CACNA1A: variants seen among roughly 807,000 people sequenced by gnomAD.
The protein encoded by CACNA1A is voltage-dependent P/Q-type calcium channel subunit alpha-1A.
CACNA1A carries 57 observed loss-of-function variants against 262.4 expected under a neutral mutation model. The observed-to-expected ratio is 0.22, with a 90% CI of 0.18 to 0.27. The LOEUF (loss-of-function observed/expected upper bound fraction) is 0.27, where lower values mean the gene tolerates loss of function less well. Ranked by LOEUF, CACNA1A falls within the 10% of genes least tolerant of loss-of-function variation. CACNA1A has a pLI of 1.00. For synonymous variants in CACNA1A, 1,431 were observed against 1,419.3 expected (o/e 1.01, Z -0.18); for missense variants, 2,526 against 3,562.8 (o/e 0.71, Z 7.41).
chr19:13,381,312 C>T (rs2059520393), intron 3 of CACNA1A, among the ~76,000 whole-genome samples: 1 of 152,044 alleles, frequency 6.6e-6, no homozygotes, highest in Admixed American at 6.6e-5. Context: ...GGTGGGAGGA[C>T]CACTTGAGTT....
intron 3 of CACNA1A, among the ~76,000 whole-genome samples, chr19:13,386,168 AG>A (rs201041070): frequency 0.17 from 25,031 of 144,824 alleles, 2,507 homozygotes; most frequent in East Asian, 0.36. Context: ...AAAAAAAAAA[AG>A]AAGAAGAAGA....
chr19:13,349,947 C>T (rs1002135387), intron 6 of CACNA1A, among the ~76,000 whole-genome samples: 3 of 152,086 alleles, frequency 2.0e-5, no homozygotes, highest in Non-Finnish European at 2.9e-5. Flanking sequence ...GGAAGAGGCC[C>T]GTCTAGTGGG....
At chr19:13,270,885 A>G (rs1412981796) in intron 24 of CACNA1A, among the ~76,000 whole-genome samples, 2 of 152,226 alleles carry the variant, frequency 1.3e-5, no homozygotes, top group African/African-American at 4.8e-5. Flanking sequence ...GGCACTTGCC[A>G]GGATCCTACT....
rs992622377 is a variant in CACNA1A at position 13,235,382 on chromosome 19, A to G, written c.5068-108T>C. Reference sequence around the variant, plus strand: ...CCACTGGGTTGGGTGGCCATATGCCACGTGCCAGAGTCCTTCCAGGGCTGG... The same window carrying G: ...CCACTGGGTTGGGTGGCCATATGCCGCGTGCCAGAGTCCTTCCAGGGCTGG... On this transcript the variant is annotated intron_variant, in intron 32 of 46. Transcript: ENST00000360228. 3 of 1,101,168 alleles carry G rather than the reference A, an allele frequency of 2.7e-6. No individual in the cohort carries two copies. In the African/African-American group the frequency reaches 4.7e-5, roughly 17 times the overall value. 68.2% of individuals were successfully genotyped at this position (1,101,168 alleles called of 1,614,324 possible).
rs866739651 is a variant in CACNA1A, at chr19:13,490,692, G to A, written c.293+15240C>T. ...AGAAAGAGAGAGAGAGAGAAAGAAAGGAAAGAAAGAAAGAAAGAAAGAAAG... is the reference window on the plus strand; with the variant it reads ...AGAAAGAGAGAGAGAGAGAAAGAAAAGAAAGAAAGAAAGAAAGAAAGAAAG... On this transcript the variant is annotated intron_variant, in intron 1 of 46. Transcript: ENST00000360228. 6.8e-3 allele frequency among the ~76,000 whole-genome samples: 905 copies of A among 132,690 alleles called. 6 individuals are homozygous for A. The highest frequency in any genetic ancestry group is 0.025 in the African/African-American group (854 of 34,678). 87.0% of individuals were successfully genotyped at this position (132,690 alleles called of 152,430 possible).
At chr19:13,313,681 C>G (rs1025360534) in intron 11 of CACNA1A, among the ~76,000 whole-genome samples, 22 of 152,114 alleles carry the variant, frequency 1.4e-4, no homozygotes, top group Non-Finnish European at 2.5e-4. Context: ...TTTGTGTTGA[C>G]TGGTGGGTTC....
intron 1 of CACNA1A, among the ~76,000 whole-genome samples, chr19:13,470,583 G>A (rs1198411642): frequency 1.3e-5 from 2 of 152,032 alleles, no homozygotes; most frequent in Non-Finnish European, 2.9e-5. Flanking sequence ...CATGCATTTC[G>A]ATGTATTTTG....
intron 8 of CACNA1A, chr19:13,334,072 T>G: frequency 6.6e-6 from 2 of 302,574 alleles, no homozygotes; most frequent in Middle Eastern, 1.0e-3. Context: ...ATCGCCTCCA[T>G]GTAACAGCTG....
chr19:13,364,466 G>A (rs2059171647), intron 5 of CACNA1A: 1 of 152,138 alleles, frequency 6.6e-6, no homozygotes, highest in Non-Finnish European at 1.5e-5. Context: ...GACTGGTCGA[G>A]GTCTGAAAGC....
rs1599331509 is a variant in CACNA1A at position 13,472,172 on chromosome 19, T to G, written c.294-16960A>C. On this transcript the variant is annotated intron_variant, in intron 1 of 46. Coordinates refer to ENST00000360228, the MANE Select transcript of CACNA1A (RefSeq NM_001127222.2). ...TATTTGTAGTGATGGGGTCTCCCTA[T>G]GTTGCCCAGGCTGGTCTTGAACTCC... Among the ~76,000 whole-genome samples the G allele has an allele frequency of 2.6e-5, 4 of 152,120 alleles. No homozygotes were observed. In the East Asian group the frequency reaches 5.8e-4, roughly 22 times the overall value.
chr19:13,365,411 G>A lies in CACNA1A; in HGVS notation c.690C>T (p.Gly230=). 1.9e-6 allele frequency: 3 copies of A among 1,613,648 alleles called. No individual in the cohort carries two copies. Among genetic ancestry groups the A allele is most frequent in the South Asian group, 1.1e-5 (1 of 91,042 alleles). The change falls in exon 5 of 47, where the codon GGC becomes GGT. Residue 230 remains glycine, a synonymous_variant. Transcript: ENST00000360228. ...TAAGGATTGCAAAAAATAGGAGGAG[G>A]CCGATCTGCAGCAAAGGGATCATCG... is the stretch of plus-strand genomic sequence containing the variant. The part of the protein sequence containing the change: ...MKAMIPLLQI[G]LLLFFAILIF...
At chr19:13,490,719 AAGAAAGAAAGAAAG>A (rs1461506420) in intron 1 of CACNA1A, among the ~76,000 whole-genome samples, 4 of 92,522 alleles carry the variant, frequency 4.3e-5, no homozygotes, top group Admixed American at 2.3e-4. Flanking sequence ...GAAAGAAAGA[AAGAAAGAAAGAAAG>A]AGAAAAGAAA....
intron 3 of CACNA1A, among the ~76,000 whole-genome samples, chr19:13,386,635 T>C (rs1354508330): frequency 6.6e-6 from 1 of 151,460 alleles, no homozygotes; most frequent in Non-Finnish European, 1.5e-5. Context: ...CTAAAAAAAA[T>C]ACAAAAAATT....
chr19:13,489,010 T>C (rs1265782646), intron 1 of CACNA1A, among the ~76,000 whole-genome samples: 21 of 120,200 alleles, frequency 1.7e-4, no homozygotes, highest in East Asian at 9.1e-4. Flanking sequence ...TTTCTTTTTT[T>C]TTTTTTTTTT....
rs202081407 is a variant in CACNA1A, at chr19:13,266,224, TA to T, written c.3990-3392del. The stretch of plus-strand genomic sequence containing the variant: ...TGGATAATATAGTTTCCTTTTTTTT[TA>T]TTTAAATTAAAGAGATGGAATCTCA... On this transcript the variant is annotated intron_variant, in intron 24 of 46. Coordinates refer to ENST00000360228, the MANE Select transcript of CACNA1A (RefSeq NM_001127222.2). Among the ~76,000 whole-genome samples, 79 of 150,446 alleles carry T rather than the reference TA, an allele frequency of 5.3e-4. 1 individual carries two copies. The highest frequency in any genetic ancestry group is 9.3e-4 in the Admixed American group (14 of 14,976).
intron 3 of CACNA1A, among the ~76,000 whole-genome samples, chr19:13,438,093 G>A (rs1164408445): frequency 6.6e-6 from 1 of 150,626 alleles, no homozygotes; most frequent in African/African-American, 2.5e-5. Context: ...TCTGCTCTCA[G>A]CAGAGTTTTT....
intron 3 of CACNA1A, among the ~76,000 whole-genome samples, chr19:13,421,172 T>C (rs1457978549): frequency 6.6e-6 from 1 of 152,216 alleles, no homozygotes. Flanking sequence ...CCTGAATCCC[T>C]GAGTGACTTT....
At chr19:13,428,698 C>A (rs2060447682) in intron 3 of CACNA1A, among the ~76,000 whole-genome samples, 1 of 152,142 alleles carries the variant, frequency 6.6e-6, no homozygotes, top group Non-Finnish European at 1.5e-5. Context: ...TCGCCACGTC[C>A]ACTGGGATTC....
intron 6 of CACNA1A, among the ~76,000 whole-genome samples, chr19:13,344,221 C>CAAAAAA (rs35162704): frequency 8.2e-6 from 1 of 121,322 alleles, no homozygotes; most frequent in African/African-American, 3.2e-5. Flanking sequence ...CTCAAAAAAG[C>CAAAAAA]AAAAAAAAAA....
Sources: allele counts gnomAD v4.1 joint callset (sites outside exome capture counted in the v4.1 genomes callset), GRCh38; gene constraint gnomAD v4.1.1; transcripts MANE v1.5; gene names NCBI Gene and HGNC (gene_info 2026-07-23, HGNC 2026-07-21).